CRHBP: variants seen among roughly 807,000 people sequenced by gnomAD.
CRHBP encodes the protein corticotropin-releasing hormone-binding protein.
In CRHBP, 19 loss-of-function variants were observed where a neutral mutation model predicts 34.9. That is an observed-to-expected ratio of 0.55 (90% CI 0.38 to 0.80). The LOEUF (loss-of-function observed/expected upper bound fraction) is 0.80. Ranked by LOEUF, CRHBP falls within the 30% of genes least tolerant of loss-of-function variation. CRHBP has a pLI of 0.00. For synonymous variants in CRHBP, 154 were observed against 153.4 expected, an observed-to-expected ratio of 1.00 and a Z score of -0.03; for missense variants, 328 against 409.2, an observed-to-expected ratio of 0.80 and a Z score of 1.71.
At chr5:76,968,204 GTTTTTT>G (rs34392609) in intron 6 of CRHBP, among the ~76,000 whole-genome samples, 1 of 132,416 alleles carries the variant, frequency 7.6e-6, no homozygotes, top group Non-Finnish European at 1.6e-5. Flanking sequence ...GTTTTTTTTT[GTTTTTT>G]TTTTTTTTGG....
intron 5 of CRHBP, among the ~76,000 whole-genome samples, chr5:76,962,820 AT>A (rs966106652): frequency 1.3e-5 from 2 of 152,122 alleles, no homozygotes; most frequent in Non-Finnish European, 1.5e-5. Context: ...CAAAATTCTT[AT>A]TGTTAGAAAT....
At chr5:76,962,409 T>C (rs1745791890) in intron 5 of CRHBP, among the ~76,000 whole-genome samples, 1 of 152,086 alleles carries the variant, frequency 6.6e-6, no homozygotes, top group Admixed American at 6.6e-5. Flanking sequence ...CTCAGAGTAC[T>C]TTTGGGACTA....
At chr5:76,956,286 T>C (rs555688378) in intron 4 of CRHBP, among the ~76,000 whole-genome samples, 81 of 152,286 alleles carry the variant, frequency 5.3e-4, no homozygotes, top group African/African-American at 1.9e-3. Context: ...CTGAATGTGG[T>C]AGACCGATGT....
In CRHBP at chr5:76,954,043, C is replaced by T; in HGVS notation, c.190C>T (p.Leu64=). The T allele has an allele frequency of 6.2e-7, 1 of 1,613,462 alleles. No homozygotes were observed. The highest frequency in any genetic ancestry group is 8.5e-7 in the Non-Finnish European group (1 of 1,179,742). Residue 64 remains leucine, a synonymous_variant, in exon 3 of 7, where the codon CTG becomes TTG. Transcript: ENST00000274368. ...TCCTCCCCCAGGGTGCCTGGACATGCTGAGCCTCCAGGGCCAGTTCACCTT... is the reference window on the plus strand; with the variant it reads ...TCCTCCCCCAGGGTGCCTGGACATGTTGAGCCTCCAGGGCCAGTTCACCTT... ...YRRALRCLDM[L]SLQGQFTFTA...
rs200113770 is a variant in CRHBP at position 76,968,916 on chromosome 5, G to C, written c.*31G>C. On this transcript the variant is annotated 3_prime_UTR_variant, in exon 7 of 7. Coordinates refer to ENST00000274368, the MANE Select transcript of CRHBP (RefSeq NM_001882.4). ...CAACCCAGTGATTTACATGCTGATA[G>C]CTAAGTGAGTTTTTAATGGCCATTG... The C allele has an allele frequency of 3.2e-4, 517 of 1,599,652 alleles. No homozygotes were observed. The highest frequency in any genetic ancestry group is 4.3e-4 in the Non-Finnish European group (503 of 1,170,844).
chr5:76,960,249 G>C (rs1423668276), intron 5 of CRHBP, among the ~76,000 whole-genome samples: 1 of 152,180 alleles, frequency 6.6e-6, no homozygotes, highest in Non-Finnish European at 1.5e-5. Flanking sequence ...AGTGAGACCT[G>C]GGTGATAGAT....
At chr5:76,957,727 TAGA>T (rs1377304052) in intron 4 of CRHBP, among the ~76,000 whole-genome samples, 1 of 152,248 alleles carries the variant, frequency 6.6e-6, no homozygotes, top group Admixed American at 6.5e-5. Context: ...CAAAAAATTG[TAGA>T]AGTTCTTGGG....
At chr5:76,955,914 G>A in intron 4 of CRHBP, 51 bp downstream of exon 4, 1 of 1,523,798 alleles carries the variant, frequency 6.6e-7, no homozygotes, top group South Asian at 1.2e-5. Flanking sequence ...CCCGCTTTTT[G>A]AAAGTAGTAT....
Position 76,953,194 on chromosome 5 carries a change from A to G in CRHBP, c.60A>G (p.Arg20=). The change falls in exon 1 of 7, where the codon AGA becomes AGG. Residue 20 remains arginine, a synonymous_variant. Coordinates refer to ENST00000274368, the MANE Select transcript of CRHBP (RefSeq NM_001882.4). ...HFILIFLTAL[R]GESRYLELRE... is the part of the protein sequence containing the mutation. ...TTCTCATCTTCCTGACGGCTCTAAG[A>G]GGGGAAAGCCGGTACCTAGAGGTGA... The G allele has an allele frequency of 6.2e-7, 1 of 1,614,124 alleles. No homozygotes were observed. The highest frequency in any genetic ancestry group is 8.5e-7 in the Non-Finnish European group (1 of 1,180,004).
At chr5:76,956,511 G>A (rs765421987) in intron 4 of CRHBP, among the ~76,000 whole-genome samples, 7 of 152,188 alleles carry the variant, frequency 4.6e-5, no homozygotes, top group Admixed American at 2.0e-4. Context: ...CAAGGCAGGC[G>A]GATCACGAGG....
At chr5:76,966,277 C>T (rs1190548569) in intron 6 of CRHBP, among the ~76,000 whole-genome samples, 5 of 152,158 alleles carry the variant, frequency 3.3e-5, no homozygotes, top group African/African-American at 1.2e-4. Flanking sequence ...CTCGGCCTCC[C>T]AAAGTGCTGG....
chr5:76,975,825 A>AAAAAAAAAAAAATATATATATATATATAT, intron 2 of CRHBP, among the ~76,000 whole-genome samples: 1 of 61,852 alleles, frequency 1.6e-5, no homozygotes, highest in East Asian at 5.2e-4. Context: ...AAAAAAAAAA[A>AAAAAAAAAAAAATATATATATATATATAT]ATATATATAT....
At chr5:76,958,581 C>A in intron 4 of CRHBP, 160 bp from the exon 5 acceptor site, 1 of 700,718 alleles carries the variant, frequency 1.4e-6, no homozygotes, top group Non-Finnish European at 2.2e-6. Flanking sequence ...TCCCCAAATC[C>A]TTCCTGTCTC....
chr5:76,953,840 G>A, intron 2 of CRHBP, 146 bp downstream of exon 2: 2 of 1,166,984 alleles, frequency 1.7e-6, no homozygotes, highest in Non-Finnish European at 2.3e-6. Flanking sequence ...GGATCGGTCC[G>A]CGGAGGCGCG....
chr5:76,970,137 G>C (rs2150710311), downstream of CRHBP, among the ~76,000 whole-genome samples: 1 of 151,636 alleles, frequency 6.6e-6, no homozygotes, highest in East Asian at 1.9e-4. Context: ...GTAGAGGCAG[G>C]GTTTCACCAT....
chr5:76,953,244 A>G, intron 1 of CRHBP, 29 bp downstream of exon 1: 1 of 1,604,448 alleles, frequency 6.2e-7, no homozygotes, highest in Non-Finnish European at 8.5e-7. Flanking sequence ...GACCCATCTC[A>G]CCTTCCTTGC....
chr5:76,977,239 A>C (rs1280743864), intron 3 of CRHBP, among the ~76,000 whole-genome samples: 1 of 152,240 alleles, frequency 6.6e-6, no homozygotes, highest in African/African-American at 2.4e-5. Context: ...TTTATTCTTG[A>C]ATCATAGTAA....
At chr5:76,963,890 G>C (rs925093130) in intron 6 of CRHBP, among the ~76,000 whole-genome samples, 8 of 152,120 alleles carry the variant, frequency 5.3e-5, no homozygotes, top group African/African-American at 1.9e-4. Context: ...GTTACTCATA[G>C]TAAATAAACA....
In CRHBP at chr5:76,954,527, G is replaced by A. The variant is rs191550881; in HGVS notation, c.333+341G>A. ...CGGAACTCTGACGCAATCCAGGGCC[G>A]AGGAAAAATGATTAAAACCCAACAA... On this transcript the variant is annotated intron_variant, in intron 3 of 6. Transcript: ENST00000274368. Among the ~76,000 whole-genome samples, 381 of 152,270 alleles carry A rather than the reference G, an allele frequency of 2.5e-3. 2 individuals carry two copies. Among genetic ancestry groups the A allele is most frequent in the African/African-American group, 7.5e-3 (313 of 41,570 alleles).
Sources: gnomAD v4.1 joint callset for allele counts (sites outside exome capture counted in the v4.1 genomes callset) on GRCh38, gnomAD v4.1.1 for gene constraint, MANE v1.5 for transcripts, NCBI Gene and HGNC (gene_info 2026-07-23, HGNC 2026-07-21) for gene names.